PRPF8: variants seen among roughly 807,000 people sequenced by gnomAD.
PRPF8 encodes the protein pre-mRNA-processing-splicing factor 8.
PRPF8 carries 64 observed loss-of-function variants against 285.9 expected under a neutral mutation model. The ratio of observed to expected loss-of-function variants is 0.22; its 90% CI spans 0.18 to 0.28. The LOEUF is 0.28. PRPF8 is among the 10% of genes least tolerant of loss of function. The pLI is 1.00. For missense variants in PRPF8, 1,426 were observed against 3,026.7 expected (o/e 0.47, Z 12.41); for synonymous variants, 1,325 against 1,118.2 (o/e 1.18, Z -3.69).
At position 1,676,536 on chromosome 17, in the gene PRPF8, G is replaced by C; in HGVS notation, c.2357C>G (p.Ala786Gly). 9 of 1,614,110 alleles carry C rather than the reference G, an allele frequency of 5.6e-6. No homozygotes were observed. Among genetic ancestry groups the C allele is most frequent in the Non-Finnish European group, 7.6e-6 (9 of 1,180,038 alleles). The stretch of plus-strand genomic sequence containing the variant: ...GTAGTTGTGCTGCCGCTCCTGTTCT[G>C]CCTTCAGATAGAGCCGGGTGAGGCG... Reference protein sequence around the residue: ...LGRLTRLYLKAEQERQHNYLK... With the variant: ...LGRLTRLYLKGEQERQHNYLK... The change falls in exon 16 of 43, where the codon GCA (alanine) becomes GGA (glycine). Residue 786 changes from alanine (A) to glycine (G), a missense_variant. Around this residue, in one of 34 missense-constraint regions of PRPF8, gnomAD observed 70 missense variants for 273.7 expected, o/e 0.26. Coordinates refer to ENST00000304992, the MANE Select transcript of PRPF8 (RefSeq NM_006445.4). This position sits in a 1 kb window ranked among gnomAD's most constrained non-coding sequence, Gnocchi z 6.3.
Position 1,678,942 on chromosome 17 carries a change from C to T in PRPF8, c.1600-61G>A, listed in dbSNP as rs375224963. On this transcript the variant is annotated intron_variant, in intron 11 of 42. Transcript: ENST00000304992. Reference sequence around the variant, plus strand: ...GAGCAATGGACCCAACTGATGTATGCCTTCATCAGTAACCAGAGGAAAACA... The same window carrying T: ...GAGCAATGGACCCAACTGATGTATGTCTTCATCAGTAACCAGAGGAAAACA... The T allele has an allele frequency of 1.6e-5, 26 of 1,613,658 alleles. 1 individual carries two copies. The highest frequency in any genetic ancestry group is 8.3e-5 in the Admixed American group (5 of 60,012).
chr17:1,670,779 G>T (rs185050782), intron 24 of PRPF8, among the ~76,000 whole-genome samples: 2 of 152,052 alleles, frequency 1.3e-5, no homozygotes, highest in African/African-American at 4.8e-5. Context: ...GAGCCCCCGC[G>T]CCTGGCCTGC....
intron 24 of PRPF8, among the ~76,000 whole-genome samples, chr17:1,671,303 C>T (rs1206728117): frequency 6.6e-6 from 1 of 152,182 alleles, no homozygotes; most frequent in Non-Finnish European, 1.5e-5. Flanking sequence ...ACCCAAAATG[C>T]TCACAAAAAG....
intron 36 of PRPF8, 21 bp downstream of exon 36, chr17:1,656,371 T>A: frequency 6.2e-7 from 1 of 1,614,200 alleles, no homozygotes; most frequent in Non-Finnish European, 8.5e-7. Flanking sequence ...TCCAGCGATC[T>A]TCTCTTCCCG....
intron 34 of PRPF8, 31 bp from the exon 35 acceptor site, chr17:1,656,792 T>C (rs952937220): frequency 3.2e-6 from 5 of 1,582,654 alleles, no homozygotes; most frequent in Non-Finnish European, 4.3e-6. Flanking sequence ...AAATGGAAAT[T>C]TAGTCTCTAC....
intron 24 of PRPF8, among the ~76,000 whole-genome samples, chr17:1,662,409 C>A (rs1165635863): frequency 6.8e-6 from 1 of 147,766 alleles, no homozygotes; most frequent in African/African-American, 2.5e-5. Flanking sequence ...GCCAACATGG[C>A]AAAACCCTGT....
chr17:1,673,602 T>C lies in PRPF8; in HGVS notation c.3447-35A>G. 1.2e-6 allele frequency: 2 copies of C among 1,613,518 alleles called. No homozygotes were observed. Among genetic ancestry groups the C allele is most frequent in the Non-Finnish European group, 1.7e-6 (2 of 1,179,960 alleles). ...GAGAACACATGGTCACAGCAGTTTC[T>C]TGGAAGGAACTTCCCTTCAAAGGCC... is the stretch of plus-strand genomic sequence containing the variant. On this transcript the variant is annotated intron_variant, in intron 22 of 42. Coordinates refer to ENST00000304992, the MANE Select transcript of PRPF8 (RefSeq NM_006445.4). The surrounding 1 kb of genome is among the most constrained non-coding windows in gnomAD (Gnocchi z 5.5).
rs768667755 is a variant in PRPF8 at position 1,656,786 on chromosome 17, G to A, written c.5506-25C>T. On this transcript the variant is annotated intron_variant, in intron 34 of 42. Coordinates refer to ENST00000304992, the MANE Select transcript of PRPF8 (RefSeq NM_006445.4). Reference sequence around the variant, plus strand: ...ACTTAAAAGCAAGAGAGAAGAAAATGGAAATTTAGTCTCTACCCTCCCAGA... The same window carrying A: ...ACTTAAAAGCAAGAGAGAAGAAAATAGAAATTTAGTCTCTACCCTCCCAGA... 6 of 1,594,966 alleles carry A rather than the reference G, an allele frequency of 3.8e-6. No homozygotes were observed. The African/African-American group carries it at 5.4e-5, about 14-fold the overall frequency.
At chr17:1,667,835 C>A (rs1165169858) in intron 24 of PRPF8, among the ~76,000 whole-genome samples, 2 of 152,158 alleles carry the variant, frequency 1.3e-5, no homozygotes, top group Admixed American at 1.3e-4. Context: ...AGCCACCGCA[C>A]CCGGCCTATT....
intron 24 of PRPF8, among the ~76,000 whole-genome samples, chr17:1,671,758 G>A (rs1347820894): frequency 1.3e-5 from 2 of 151,020 alleles, no homozygotes; most frequent in African/African-American, 4.9e-5. Context: ...GGCTGAGGCA[G>A]GAGAATGGCG....
chr17:1,658,426 C>G lies in PRPF8; in HGVS notation c.5377-45G>C. On this transcript the variant is annotated intron_variant, in intron 33 of 42. Transcript: ENST00000304992. The surrounding 1 kb of genome is among the most constrained non-coding windows in gnomAD (Gnocchi z 4.1). The stretch of plus-strand genomic sequence containing the variant: ...GTTAGCATGGCCTACACAACACATC[C>G]CCATCCTGCCTTCTTCCCAGCATGT... 1 of 1,614,168 alleles carries G rather than the reference C, an allele frequency of 6.2e-7. No individual in the cohort carries two copies. The highest frequency in any genetic ancestry group is 8.5e-7 in the Non-Finnish European group (1 of 1,180,034).
Position 1,661,320 on chromosome 17 carries a change from A to T in PRPF8, c.4289T>A (p.Leu1430Gln). Residue 1430 changes from leucine (L) to glutamine (Q), a missense_variant, in exon 27 of 43, where the codon CTG becomes CAG. By Grantham distance (113) the Leu-to-Gln change is moderately radical (BLOSUM62 -2). Transcript: ENST00000304992. This position sits in a 1 kb window ranked among gnomAD's most constrained non-coding sequence, Gnocchi z 7.3. Reference sequence around the variant, plus strand: ...GACACGCCAGCCCTTATCATAAGCCAGTGTGTGCCGGTCCTTCTGGAAGAG... The same window carrying T: ...GACACGCCAGCCCTTATCATAAGCCTGTGTGTGCCGGTCCTTCTGGAAGAG... ...NTLFQKDRHT[L>Q]AYDKGWRVRT... The T allele has an allele frequency of 6.2e-7, 1 of 1,614,192 alleles. No individual in the cohort carries two copies. The highest frequency in any genetic ancestry group is 8.5e-7 in the Non-Finnish European group (1 of 1,180,030).
intron 24 of PRPF8, among the ~76,000 whole-genome samples, chr17:1,668,614 G>A (rs1006034621): frequency 5.3e-5 from 8 of 151,946 alleles, no homozygotes; most frequent in South Asian, 4.2e-4. Context: ...CACCCGCCTC[G>A]GCCTCCCAAA....
chr17:1,659,209 A>G lies in PRPF8; in HGVS notation c.5138+148T>C, dbSNP rs1163679244. On this transcript the variant is annotated intron_variant, in intron 32 of 42. Coordinates refer to ENST00000304992, the MANE Select transcript of PRPF8 (RefSeq NM_006445.4). The surrounding 1 kb of genome is among the most constrained non-coding windows in gnomAD (Gnocchi z 5.1). ...CCCAGCTAATTTTTTGTATTTTGGT[A>G]GAGACAGGGTTTCACCATGTTGCCC... is the stretch of plus-strand genomic sequence containing the variant. 1.1e-6 allele frequency: 1 copy of G among 883,026 alleles called. No homozygotes were observed. The highest frequency in any genetic ancestry group is 1.8e-6 in the Non-Finnish European group (1 of 550,128). The allele number at this position is 883,026 out of a possible 1,614,324, so 54.7% of individuals were successfully genotyped here. A position where few individuals can be genotyped will look rare whatever the true frequency, so the allele number is the denominator to read the frequency against.
chr17:1,680,025 C>A (rs915322483), intron 8 of PRPF8, among the ~76,000 whole-genome samples: 2 of 152,184 alleles, frequency 1.3e-5, no homozygotes, highest in Admixed American at 1.3e-4. Flanking sequence ...AACTGGCTGA[C>A]CACCAGAAAG....
chr17:1,656,419 G>C lies in PRPF8; in HGVS notation c.5766C>G (p.Asp1922Glu). 6.2e-7 allele frequency: 1 copy of C among 1,614,180 alleles called. No homozygotes were observed. The highest frequency in any genetic ancestry group is 1.3e-5 in the African/African-American group (1 of 75,044). ...TGTAAGATGAAATAGTCTTGAGCCAGTCGTCATAGAGGTTGAAGAGAACCA... is the reference window on the plus strand; with the variant it reads ...TGTAAGATGAAATAGTCTTGAGCCACTCGTCATAGAGGTTGAAGAGAACCA... ...PQMVLFNLYD[D>E]WLKTISSYTA... Residue 1922 changes from aspartate to glutamate, a missense_variant, in exon 36 of 43, where the codon GAC becomes GAG. This residue lies in a region of PRPF8 where 29 missense variants were observed against 86.4 expected (regional missense o/e 0.34). Coordinates refer to ENST00000304992, the MANE Select transcript of PRPF8 (RefSeq NM_006445.4).
At position 1,681,541 on chromosome 17, in the gene PRPF8, G is replaced by A; in HGVS notation, c.803C>T (p.Ala268Val). 6.2e-7 allele frequency: 1 copy of A among 1,613,444 alleles called. No homozygotes were observed. The highest frequency in any genetic ancestry group is 8.5e-7 in the Non-Finnish European group (1 of 1,179,380). ...GCCTCCAGGAATGGCCATATTGAGT[G>A]CCTTGGACGTAAAGAAGGCCTTCAA... ...FDLKAFFTSKALNMAIPGGPK... is the reference protein window; with the variant it reads ...FDLKAFFTSKVLNMAIPGGPK... Residue 268 changes from alanine (A) to valine (V), a missense_variant, in exon 6 of 43, where the codon GCA becomes GTA. Transcript: ENST00000304992.
In PRPF8 at chr17:1,653,851, G is replaced by A. The variant is rs771036042; in HGVS notation, c.6153C>T (p.Gly2051=). The change falls in exon 38 of 43, where the codon GGC becomes GGT. Residue 2051 remains glycine (G), a synonymous_variant. Transcript: ENST00000304992. The surrounding 1 kb of genome is among the most constrained non-coding windows in gnomAD (Gnocchi z 4.9). ...ATQTRTVNKH[G]DEIITSTTSN... ...TGGTGGTGGAGGTGATGATCTCATC[G>A]CCATGCTTGTTGACAGTGCGAGTCT... 9 of 1,614,090 alleles carry A rather than the reference G, an allele frequency of 5.6e-6. No homozygotes were observed. Among genetic ancestry groups the A allele is most frequent in the South Asian group, 3.3e-5 (3 of 91,068 alleles).
intron 36 of PRPF8, 49 bp from the exon 37 acceptor site, chr17:1,655,592 C>T (rs746518925): frequency 1.3e-6 from 2 of 1,485,932 alleles, no homozygotes; most frequent in South Asian, 2.3e-5. Context: ...TTGAGGCTCT[C>T]CCACTTTAAT....
Sources: allele counts gnomAD v4.1 joint callset (sites outside exome capture counted in the v4.1 genomes callset), GRCh38; gene constraint gnomAD v4.1.1; regional missense constraint gnomAD v4.1.1; non-coding constraint Gnocchi (gnomAD v3.1); transcripts MANE v1.5; gene names NCBI Gene and HGNC (gene_info 2026-07-23, HGNC 2026-07-21).